PCED1B: variants seen among roughly 807,000 people sequenced by gnomAD.
PCED1B encodes the protein PC-esterase domain containing 1B.
For synonymous variants in PCED1B, 251 were observed against 246.1 expected, an observed-to-expected ratio of 1.02 and a Z score of -0.19; for missense variants, 573 against 573.9, an observed-to-expected ratio of 1.00 and a Z score of 0.02.
chr12:47,228,021 CTT>C (rs1319598265), intron 3 of PCED1B, among the ~76,000 whole-genome samples: 1 of 147,458 alleles, frequency 6.8e-6, no homozygotes, highest in East Asian at 2.0e-4. Context: ...GGCTCTTCTT[CTT>C]TGTTTTTTCT....
At chr12:47,171,878 TTTC>T (rs145146818) in intron 2 of PCED1B, among the ~76,000 whole-genome samples, 9,583 of 148,070 alleles carry the variant, frequency 0.065, 384 homozygotes, top group Middle Eastern at 0.09. Context: ...TTCTTCTTCT[TTTC>T]TTCTTCTTCT....
chr12:47,170,776 TTAAGTA>T (rs1446312517), intron 2 of PCED1B, among the ~76,000 whole-genome samples: 1 of 152,236 alleles, frequency 6.6e-6, no homozygotes, highest in Admixed American at 6.5e-5. Flanking sequence ...CCCATTCATG[TTAAGTA>T]TAACAACTGT....
intron 2 of PCED1B, among the ~76,000 whole-genome samples, chr12:47,179,841 A>T (rs889008806): frequency 6.6e-6 from 1 of 150,454 alleles, no homozygotes; most frequent in African/African-American, 2.4e-5. Flanking sequence ...TTTTAGGTCA[A>T]TATTATATAT....
Position 47,083,341 on chromosome 12 carries a change from T to C in PCED1B, c.-609+3616T>C, listed in dbSNP as rs1937832568. Among the ~76,000 whole-genome samples the C allele has an allele frequency of 3.9e-5, 6 of 152,228 alleles. No individual in the cohort carries two copies. In the South Asian group the frequency reaches 1.2e-3, roughly 32 times the overall value. On this transcript the variant is annotated intron_variant, in intron 1 of 3. Coordinates refer to ENST00000546455, the MANE Select transcript of PCED1B (RefSeq NM_138371.3). ...CTGGCAGATATCTTGTTGCCTCTTT[T>C]TTCGGCGTGAGGCACACTGGGTGTT...
intron 2 of PCED1B, among the ~76,000 whole-genome samples, chr12:47,215,367 C>A (rs1467168813): frequency 6.6e-6 from 1 of 151,798 alleles, no homozygotes; most frequent in African/African-American, 2.4e-5. Context: ...GATTCTCCTG[C>A]CTCAGCCCCC....
chr12:47,156,044 T>TA (rs1941182046), intron 2 of PCED1B, among the ~76,000 whole-genome samples: 1 of 152,232 alleles, frequency 6.6e-6, no homozygotes, highest in South Asian at 2.1e-4. Flanking sequence ...GCCAAGTGCT[T>TA]ATTCATAGCA....
chr12:47,166,700 G>C (rs763894950), intron 2 of PCED1B, among the ~76,000 whole-genome samples: 32 of 152,232 alleles, frequency 2.1e-4, no homozygotes, highest in Non-Finnish European at 2.9e-4. Context: ...AACTAATCAA[G>C]ATGAGGTGTG....
At chr12:47,215,303 G>C (rs185714753) in intron 2 of PCED1B, among the ~76,000 whole-genome samples, 1 of 147,062 alleles carries the variant, frequency 6.8e-6, no homozygotes, top group Admixed American at 6.8e-5. Context: ...ACCCTGACTG[G>C]AGTGCAATGG....
In PCED1B at chr12:47,171,906, CTCT is replaced by C. The variant is rs537012282; in HGVS notation, c.-525-44304_-525-44302del. Among the ~76,000 whole-genome samples, 42 of 141,118 alleles carry C rather than the reference CTCT, an allele frequency of 3.0e-4. 1 individual carries two copies. The South Asian group carries it at 3.1e-3, about 10-fold the overall frequency. The allele number at this position is 141,118 out of a possible 152,430, so 92.6% of individuals were successfully genotyped here. A position where few individuals can be genotyped will look rare whatever the true frequency, so the allele number is the denominator to read the frequency against. On this transcript the variant is annotated intron_variant, in intron 2 of 3. Transcript: ENST00000546455. ...CTTCTTCTTCTTCTTCCTCTTCTTC[CTCT>C]TCTTCTTCTTCCTCTTCTATATGTA...
chr12:47,092,047 G>T (rs988301428), intron 1 of PCED1B, among the ~76,000 whole-genome samples: 3 of 151,998 alleles, frequency 2.0e-5, no homozygotes. Context: ...TGAATTTTAG[G>T]AAAACTTGTC....
At chr12:47,164,533 T>A (rs1005419516) in intron 2 of PCED1B, among the ~76,000 whole-genome samples, 4 of 152,254 alleles carry the variant, frequency 2.6e-5, no homozygotes, top group Non-Finnish European at 4.4e-5. Flanking sequence ...CCTTGCTGCA[T>A]GGCTTGGAGT....
At position 47,134,687 on chromosome 12, in the gene PCED1B, G is replaced by T. The variant is rs567024161; in HGVS notation, c.-526+30492G>T. 3.0e-4 allele frequency among the ~76,000 whole-genome samples: 45 copies of T among 152,164 alleles called. 1 individual carries two copies. Among genetic ancestry groups the T allele is most frequent in the Non-Finnish European group, 1.9e-4 (13 of 68,026 alleles). Reference sequence around the variant, plus strand: ...GATCGAGACCATCCTGGCCAACAAGGTGAAACCCCATCTCTACTAAAAATA... The same window carrying T: ...GATCGAGACCATCCTGGCCAACAAGTTGAAACCCCATCTCTACTAAAAATA... On this transcript the variant is annotated intron_variant, in intron 2 of 3. Coordinates refer to ENST00000546455, the MANE Select transcript of PCED1B (RefSeq NM_138371.3).
chr12:47,118,288 T>A (rs1939519887), intron 2 of PCED1B, among the ~76,000 whole-genome samples: 1 of 152,234 alleles, frequency 6.6e-6, no homozygotes, highest in Non-Finnish European at 1.5e-5. Flanking sequence ...TGAATGGTAT[T>A]GCCTAGGTTT....
At chr12:47,125,811 G>C (rs548183367) in intron 2 of PCED1B, among the ~76,000 whole-genome samples, 2 of 152,108 alleles carry the variant, frequency 1.3e-5, no homozygotes, top group African/African-American at 4.8e-5. Context: ...ATTGTTCACT[G>C]CCAGTGCATA....
At chr12:47,234,975 T>G in intron 3 of PCED1B, 32 bp from the exon 4 acceptor site, 1 of 1,272,058 alleles carries the variant, frequency 7.9e-7, no homozygotes, top group East Asian at 2.5e-5. Context: ...CAGAGGTGAG[T>G]CCCTCCCAGC....
intron 2 of PCED1B, among the ~76,000 whole-genome samples, chr12:47,188,450 T>C (rs1054486721): frequency 2.6e-5 from 4 of 152,188 alleles, no homozygotes; most frequent in African/African-American, 9.7e-5. Flanking sequence ...TAATCTAATC[T>C]ATCTCAATGA....
intron 1 of PCED1B, among the ~76,000 whole-genome samples, chr12:47,089,502 CA>C (rs1565740195): frequency 1.5e-5 from 1 of 66,782 alleles, no homozygotes. Flanking sequence ...ATGTATATAC[CA>C]AAAAACATAC....
rs1297887214 is a variant in PCED1B, at chr12:47,089,484, ATATATATATG to A, written c.-609+9766_-609+9775del. Among the ~76,000 whole-genome samples the A allele has an allele frequency of 3.8e-3, 358 of 93,086 alleles. 25 individuals are homozygous for A. Among genetic ancestry groups the A allele is most frequent in the East Asian group, 0.015 (52 of 3,560 alleles). 61.1% of individuals were successfully genotyped at this position (93,086 alleles called of 152,430 possible). On this transcript the variant is annotated intron_variant, in intron 1 of 3. Coordinates refer to ENST00000546455, the MANE Select transcript of PCED1B (RefSeq NM_138371.3). ...TACATATATATATATATATATATAT[ATATATATATG>A]TATATACCAAAAAACATACCTACCT...
chr12:47,106,888 G>A (rs1938975984), intron 2 of PCED1B, among the ~76,000 whole-genome samples: 1 of 151,742 alleles, frequency 6.6e-6, no homozygotes, highest in African/African-American at 2.4e-5. Context: ...CTGCTTCCGG[G>A]GCCCGCAGCC....
Sources: gnomAD v4.1 joint callset for allele counts (sites outside exome capture counted in the v4.1 genomes callset) on GRCh38, gnomAD v4.1.1 for gene constraint, MANE v1.5 for transcripts, NCBI Gene and HGNC (gene_info 2026-07-23, HGNC 2026-07-21) for gene names.